Variants in SPMAP2L observed in about 807,000 individuals in gnomAD.
SPMAP2L encodes the protein sperm microtubule associated protein 2 like.
At chr4:56,601,181 T>C in the SPMAP2L span, 1 of 1,379,014 alleles carries the variant, frequency 7.3e-7, no homozygotes, top group Non-Finnish European at 9.6e-7. Flanking sequence ...GTTGACCTAA[T>C]AAGGCAAATG....
the SPMAP2L span, among the ~76,000 whole-genome samples, chr4:56,604,798 T>C: frequency 6.6e-6 from 1 of 152,196 alleles, no homozygotes; most frequent in Admixed American, 6.5e-5. Flanking sequence ...GTGGTATATG[T>C]ACACCATGGA....
At chr4:56,575,345 G>A in the SPMAP2L span, among the ~76,000 whole-genome samples, 2 of 152,228 alleles carry the variant, frequency 1.3e-5, no homozygotes, top group Admixed American at 6.5e-5. Flanking sequence ...GGGTGTAACC[G>A]TTTCTAAAGC....
the SPMAP2L span, among the ~76,000 whole-genome samples, chr4:56,587,508 C>T: frequency 1.3e-5 from 2 of 148,174 alleles, no homozygotes; most frequent in African/African-American, 4.9e-5. Context: ...TCCATTGTAT[C>T]ATTCTTATGC....
At chr4:56,592,503 A>G in the SPMAP2L span, among the ~76,000 whole-genome samples, 1 of 152,196 alleles carries the variant, frequency 6.6e-6, no homozygotes, top group Non-Finnish European at 1.5e-5. Context: ...GCGCCCATTC[A>G]TTGCCCGCGA....
the SPMAP2L span, among the ~76,000 whole-genome samples, chr4:56,546,488 GAGATCTCC>G: frequency 6.6e-6 from 1 of 152,180 alleles, no homozygotes; most frequent in Non-Finnish European, 1.5e-5. Context: ...TAGTTTGTAA[GAGATCTCC>G]AGGTGATTCT....
chr4:56,614,349 G>A, the SPMAP2L span, among the ~76,000 whole-genome samples: 1 of 152,106 alleles, frequency 6.6e-6, no homozygotes, highest in Non-Finnish European at 1.5e-5. Context: ...GGTGGATGGG[G>A]TAAGTTTTGA....
the SPMAP2L span, among the ~76,000 whole-genome samples, chr4:56,600,617 G>T: frequency 6.6e-6 from 1 of 152,128 alleles, no homozygotes; most frequent in Non-Finnish European, 1.5e-5. Flanking sequence ...GCCTGGTAGC[G>T]ATATGATCTG....
chr4:56,538,483 T>A, the SPMAP2L span, among the ~76,000 whole-genome samples: 1 of 152,160 alleles, frequency 6.6e-6, no homozygotes, highest in African/African-American at 2.4e-5. Context: ...CATGAGACTT[T>A]CTCTAAAAAG....
chr4:56,606,603 C>T, the SPMAP2L span, among the ~76,000 whole-genome samples: 1 of 152,090 alleles, frequency 6.6e-6, no homozygotes, highest in Non-Finnish European at 1.5e-5. Flanking sequence ...CCAGTAAATC[C>T]CCTGAGGCAG....
At chr4:56,609,705 A>ATG in the SPMAP2L span, among the ~76,000 whole-genome samples, 2 of 152,126 alleles carry the variant, frequency 1.3e-5, no homozygotes, top group Admixed American at 1.3e-4. Context: ...CATCAGCGGG[A>ATG]TTAGTGTCCT....
the SPMAP2L span, among the ~76,000 whole-genome samples, chr4:56,605,765 A>T: frequency 1.6e-4 from 25 of 152,218 alleles, no homozygotes; most frequent in African/African-American, 5.3e-4. Context: ...CTGATAAGGT[A>T]CCAACACCAA....
the SPMAP2L span, among the ~76,000 whole-genome samples, chr4:56,547,576 A>T: frequency 1.3e-5 from 2 of 152,140 alleles, no homozygotes; most frequent in Non-Finnish European, 2.9e-5. Context: ...CAGACCTATT[A>T]ATCCTCCTAT....
chr4:56,595,335 T>C, the SPMAP2L span: 4 of 1,608,838 alleles, frequency 2.5e-6, no homozygotes, highest in Non-Finnish European at 3.4e-6. Context: ...TTCACGCCCC[T>C]ATCATGCCCT....
the SPMAP2L span, among the ~76,000 whole-genome samples, chr4:56,538,198 C>G: frequency 7.0e-6 from 1 of 142,588 alleles, no homozygotes; most frequent in African/African-American, 2.6e-5. Flanking sequence ...CACGGGGTCT[C>G]TGACATCCCC....
the SPMAP2L span, among the ~76,000 whole-genome samples, chr4:56,588,749 A>G: frequency 6.6e-6 from 1 of 151,958 alleles, no homozygotes; most frequent in African/African-American, 2.4e-5. Context: ...GAATTTTTAT[A>G]GTTTCAGGTC....
At chr4:56,535,654 C>T in the SPMAP2L span, among the ~76,000 whole-genome samples, 1 of 152,182 alleles carries the variant, frequency 6.6e-6, no homozygotes. Flanking sequence ...AACTCGGTGT[C>T]TGAGGGGTTT....
chr4:56,596,635 A>G, the SPMAP2L span: 8 of 1,510,118 alleles, frequency 5.3e-6, no homozygotes, highest in Non-Finnish European at 7.0e-6. Flanking sequence ...CCGTCCTGTA[A>G]GCCATCGCTA....
the SPMAP2L span, among the ~76,000 whole-genome samples, chr4:56,544,541 T>C: frequency 6.6e-6 from 1 of 152,188 alleles, no homozygotes; most frequent in African/African-American, 2.4e-5. Context: ...AAAATAGGGT[T>C]CTATTTGGCT....
the SPMAP2L span, among the ~76,000 whole-genome samples, chr4:56,555,297 T>A: frequency 3.9e-4 from 60 of 152,322 alleles, 1 homozygote; most frequent in East Asian, 0.011. Flanking sequence ...TGTGTGGATC[T>A]ACTTATAGGA....
Sources: allele counts gnomAD v4.1 joint callset (sites outside exome capture counted in the v4.1 genomes callset), GRCh38; gene constraint gnomAD v4.1.1; transcripts MANE v1.5; gene names NCBI Gene and HGNC (gene_info 2026-07-23, HGNC 2026-07-21).